The following CDH2 variants were observed in gnomAD, a reference collection of about 807,000 sequenced individuals.
The protein encoded by CDH2 is cadherin 2, also known as cadherin-2.
Under a neutral mutation model 92.0 loss-of-function variants are expected in CDH2, and 17 were observed. That is an observed-to-expected ratio of 0.18 (90% CI 0.13 to 0.28). The LOEUF (loss-of-function observed/expected upper bound fraction) is 0.28. Ranked by LOEUF, CDH2 falls within the 10% of genes least tolerant of loss-of-function variation. The pLI, the probability that CDH2 is intolerant of heterozygous loss-of-function variation, is 1.00. For missense variants in CDH2, 862 were observed against 1,133.1 expected (o/e 0.76, Z 3.44); for synonymous variants, 419 against 415.9 (o/e 1.01, Z -0.09).
At chr18:28,020,491 G>C (rs2013380587) in intron 2 of CDH2, among the ~76,000 whole-genome samples, 1 of 151,932 alleles carries the variant, frequency 6.6e-6, no homozygotes, top group African/African-American at 2.4e-5. Flanking sequence ...TTTGACTGCT[G>C]TAAGGAGAAA....
At chr18:27,992,291 TAACA>T (rs1219882830) in intron 9 of CDH2, among the ~76,000 whole-genome samples, 1 of 152,192 alleles carries the variant, frequency 6.6e-6, no homozygotes, top group Non-Finnish European at 1.5e-5. Flanking sequence ...TCAACTACAC[TAACA>T]GTTAATGTTG....
At chr18:28,174,176 G>T (rs2016503431) in intron 1 of CDH2, among the ~76,000 whole-genome samples, 1 of 151,836 alleles carries the variant, frequency 6.6e-6, no homozygotes, top group African/African-American at 2.4e-5. Flanking sequence ...AAACAAGGGT[G>T]CTCCGTATCT....
Position 28,131,731 on chromosome 18 carries a change from A to G in CDH2, c.172+15942T>C, listed in dbSNP as rs902018325. ...GTGGCCTGAAATAGTGTGATCCTAC[A>G]GCTCAGTTAAAATTTCATCTTACCT... On this transcript the variant is annotated intron_variant, in intron 2 of 15. Coordinates refer to ENST00000269141, the MANE Select transcript of CDH2 (RefSeq NM_001792.5). Among the ~76,000 whole-genome samples the G allele has an allele frequency of 6.0e-5, 9 of 148,924 alleles. No individual in the cohort carries two copies. The Admixed American group carries it at 6.1e-4, about 10-fold the overall frequency.
At chr18:28,141,715 G>T (rs1287437547) in intron 2 of CDH2, among the ~76,000 whole-genome samples, 1 of 151,908 alleles carries the variant, frequency 6.6e-6, no homozygotes, top group Non-Finnish European at 1.5e-5. Flanking sequence ...GTCAGATCAT[G>T]TTTTACCTCT....
intron 2 of CDH2, among the ~76,000 whole-genome samples, chr18:28,085,454 C>T (rs1396495460): frequency 6.6e-6 from 1 of 152,056 alleles, no homozygotes. Flanking sequence ...TCATTTCCAT[C>T]CTGCCCCTCA....
intron 2 of CDH2, among the ~76,000 whole-genome samples, chr18:28,090,040 T>C (rs1254913796): frequency 6.6e-6 from 1 of 152,186 alleles, no homozygotes; most frequent in African/African-American, 2.4e-5. Flanking sequence ...TACAAAAAAT[T>C]ATTGGATGCC....
At chr18:28,158,250 G>A (rs2016252184) in intron 1 of CDH2, among the ~76,000 whole-genome samples, 2 of 152,184 alleles carry the variant, frequency 1.3e-5, no homozygotes, top group South Asian at 2.1e-4. Flanking sequence ...TGCAGCGAAA[G>A]GAGGCATAAC....
chr18:28,092,265 C>T (rs1488324185), intron 2 of CDH2, among the ~76,000 whole-genome samples: 1 of 152,056 alleles, frequency 6.6e-6, no homozygotes, highest in Non-Finnish European at 1.5e-5. Context: ...AAAGGCAGAC[C>T]TTCAGAAGGC....
chr18:28,110,008 G>C (rs1043444406), intron 2 of CDH2, among the ~76,000 whole-genome samples: 1 of 152,104 alleles, frequency 6.6e-6, no homozygotes, highest in African/African-American at 2.4e-5. Flanking sequence ...GAATTGTCAT[G>C]GCAAGAGCAT....
At chr18:28,120,767 T>G (rs187731393) in intron 2 of CDH2, among the ~76,000 whole-genome samples, 3 of 152,198 alleles carry the variant, frequency 2.0e-5, no homozygotes, top group Admixed American at 6.6e-5. Context: ...AGAACAGTAT[T>G]GAAGAAACAC....
chr18:28,031,496 A>C (rs1461554121), intron 2 of CDH2, among the ~76,000 whole-genome samples: 1 of 152,064 alleles, frequency 6.6e-6, no homozygotes, highest in Non-Finnish European at 1.5e-5. Flanking sequence ...CCTACTACAC[A>C]CAGAACAAAA....
downstream of CDH2, among the ~76,000 whole-genome samples, chr18:27,948,987 G>A (rs1909344393): frequency 1.3e-5 from 2 of 151,932 alleles, no homozygotes; most frequent in Middle Eastern, 3.4e-3. Context: ...AAATTACCAG[G>A]AATGGCCTAG....
chr18:28,164,041 T>A (rs1568023624), intron 1 of CDH2, among the ~76,000 whole-genome samples: 2 of 152,200 alleles, frequency 1.3e-5, no homozygotes, highest in Non-Finnish European at 2.9e-5. Context: ...AATTGTCCTT[T>A]AAATAGTACA....
intron 13 of CDH2, among the ~76,000 whole-genome samples, chr18:27,984,720 C>T (rs1374701966): frequency 1.3e-5 from 2 of 152,100 alleles, no homozygotes; most frequent in Admixed American, 6.5e-5. Context: ...CTATGAAAAG[C>T]GTTTACTACA....
At chr18:28,127,859 T>G (rs1188466231) in intron 2 of CDH2, among the ~76,000 whole-genome samples, 3 of 152,246 alleles carry the variant, frequency 2.0e-5, no homozygotes, top group Non-Finnish European at 2.9e-5. Context: ...AAGCTTTATG[T>G]GCACAGGTAT....
chr18:28,135,340 C>T (rs1568012107), intron 2 of CDH2, among the ~76,000 whole-genome samples: 1 of 152,144 alleles, frequency 6.6e-6, no homozygotes. Context: ...AAGAATGGAT[C>T]TTTTCTTCAT....
At chr18:28,137,949 G>A (rs1003117946) in intron 2 of CDH2, among the ~76,000 whole-genome samples, 2 of 151,850 alleles carry the variant, frequency 1.3e-5, no homozygotes, top group African/African-American at 4.8e-5. Context: ...TTAAAATATA[G>A]TCTTAACATG....
intron 2 of CDH2, among the ~76,000 whole-genome samples, chr18:28,034,985 C>T (rs1424175998): frequency 6.6e-6 from 1 of 151,916 alleles, no homozygotes; most frequent in Non-Finnish European, 1.5e-5. Context: ...ACAGGTGTAA[C>T]TCTGGAAAAG....
At chr18:27,995,174 C>T (rs1368106801) in intron 7 of CDH2, among the ~76,000 whole-genome samples, 1 of 151,546 alleles carries the variant, frequency 6.6e-6, no homozygotes, top group Non-Finnish European at 1.5e-5. Flanking sequence ...ATTAGCCAGG[C>T]GTGGTGGTGG....
Sources: gnomAD v4.1 joint callset for allele counts (sites outside exome capture counted in the v4.1 genomes callset) on GRCh38, gnomAD v4.1.1 for gene constraint, MANE v1.5 for transcripts, NCBI Gene and HGNC (gene_info 2026-07-23, HGNC 2026-07-21) for gene names.